Variants in CRTC1 observed in about 807,000 individuals in gnomAD.
CRTC1 encodes CREB regulated transcription coactivator 1.
Under a neutral mutation model 66.1 loss-of-function variants are expected in CRTC1, and 18 were observed. The ratio of observed to expected loss-of-function variants is 0.27; its 90% CI spans 0.19 to 0.40. The LOEUF is 0.40. Among genes scored for constraint, CRTC1 ranks in the 10% least tolerant of loss-of-function variants. The pLI is 1.00. For synonymous variants in CRTC1, 416 were observed against 398.8 expected (o/e 1.04, Z -0.51); for missense variants, 669 against 887.9 (o/e 0.75, Z 3.13).
At chr19:18,691,831 A>G (rs2052847423) in intron 1 of CRTC1, among the ~76,000 whole-genome samples, 1 of 151,952 alleles carries the variant, frequency 6.6e-6, no homozygotes, top group African/African-American at 2.4e-5. Flanking sequence ...CTCCTGCCTC[A>G]GCCTCCCGAG....
At position 18,760,118 on chromosome 19, in the gene CRTC1, C is replaced by T. The variant is rs1452280220; in HGVS notation, c.776C>T (p.Pro259Leu). 3 of 1,613,942 alleles carry T rather than the reference C, an allele frequency of 1.9e-6. No individual in the cohort carries two copies. Among genetic ancestry groups the T allele is most frequent in the Non-Finnish European group, 2.5e-6 (3 of 1,179,896 alleles). Reference protein sequence around the residue: ...LTNIHFPSPLPTPLDPEEPTF... With the variant: ...LTNIHFPSPLLTPLDPEEPTF... ...AACATCCACTTCCCCTCCCCGCTCC[C>T]GACCCCGCTGGACCCCGAGGAGCCC... The change falls in exon 8 of 14, where the codon CCG (proline) becomes CTG (leucine). Residue 259 changes from proline to leucine, a missense_variant. Around this residue, in one of 8 missense-constraint regions of CRTC1, gnomAD observed 214 missense variants for 323.4 expected, o/e 0.66. Coordinates refer to ENST00000321949, the MANE Select transcript of CRTC1 (RefSeq NM_015321.3). The surrounding 1 kb of genome is among the most constrained non-coding windows in gnomAD (Gnocchi z 6.2).
intron 1 of CRTC1, among the ~76,000 whole-genome samples, chr19:18,695,431 G>A (rs191212183): frequency 1.6e-4 from 24 of 152,280 alleles, no homozygotes; most frequent in Non-Finnish European, 2.5e-4. Context: ...AGGTTATTCC[G>A]TGCAGAGTAG....
chr19:18,758,377 AAAG>A (rs2054540355), intron 6 of CRTC1, among the ~76,000 whole-genome samples: 1 of 148,840 alleles, frequency 6.7e-6, no homozygotes, highest in Admixed American at 6.7e-5. Context: ...AAAAAAAAAG[AAAG>A]AAAAAAAAGG....
intron 1 of CRTC1, among the ~76,000 whole-genome samples, chr19:18,732,639 CT>C (rs2053916028): frequency 6.6e-6 from 1 of 152,140 alleles, no homozygotes; most frequent in Non-Finnish European, 1.5e-5. Flanking sequence ...TGAATGGGAA[CT>C]GTTGTGGAAG....
chr19:18,762,830 C>G lies in CRTC1; in HGVS notation c.887-2574C>G, dbSNP rs549219008. 3.3e-5 allele frequency among the ~76,000 whole-genome samples: 5 copies of G among 152,374 alleles called. No homozygotes were observed. The South Asian group carries it at 1.0e-3, about 32-fold the overall frequency. On this transcript the variant is annotated intron_variant, in intron 8 of 13. Coordinates refer to ENST00000321949, the MANE Select transcript of CRTC1 (RefSeq NM_015321.3). ...GGTGGCCGAGAGCTCACTTTGCAGC[C>G]AGTGGAAGATTAAAAACTCCCTTGT...
chr19:18,698,133 C>A (rs1464034550), intron 1 of CRTC1, among the ~76,000 whole-genome samples: 1 of 151,220 alleles, frequency 6.6e-6, no homozygotes, highest in Non-Finnish European at 1.5e-5. Flanking sequence ...GTTCTGCAGG[C>A]GCTCAGCTGG....
At chr19:18,688,537 C>G (rs1165339664) in intron 1 of CRTC1, among the ~76,000 whole-genome samples, 1 of 152,030 alleles carries the variant, frequency 6.6e-6, no homozygotes, top group African/African-American at 2.4e-5. Context: ...CTCCTGGGTT[C>G]AAGCGATTCT....
chr19:18,702,718 G>C (rs1004173900), intron 1 of CRTC1, among the ~76,000 whole-genome samples: 20 of 150,692 alleles, frequency 1.3e-4, no homozygotes, highest in African/African-American at 4.1e-4. Context: ...ATTTTTAGTA[G>C]AGGCAGGGTT....
rs182499107 is a variant in CRTC1 at position 18,763,552 on chromosome 19, G to A, written c.887-1852G>A. On this transcript the variant is annotated intron_variant, in intron 8 of 13. Coordinates refer to ENST00000321949, the MANE Select transcript of CRTC1 (RefSeq NM_015321.3). ...CAGCCATGAAATCGCCGGACAACGC[G>A]TTTTTTCAGAAGTCACCCCCATTGT... 4.6e-5 allele frequency among the ~76,000 whole-genome samples: 7 copies of A among 152,326 alleles called. No homozygotes were observed. In the East Asian group the frequency reaches 1.2e-3, roughly 25 times the overall value.
At chr19:18,751,602 C>T (rs76633577) in intron 5 of CRTC1, among the ~76,000 whole-genome samples, 4,103 of 152,226 alleles carry the variant, frequency 0.027, 191 homozygotes, top group African/African-American at 0.094. Flanking sequence ...CTTTCAGGCC[C>T]GGCTGGTTCC....
chr19:18,700,942 C>T (rs1024621478), intron 1 of CRTC1, among the ~76,000 whole-genome samples: 4 of 152,270 alleles, frequency 2.6e-5, no homozygotes, highest in Non-Finnish European at 5.9e-5. Context: ...CATCCCGCTT[C>T]CATCGCTGCG....
intron 3 of CRTC1, 40 bp downstream of exon 3, chr19:18,746,000 C>G (rs781144649): frequency 1.3e-6 from 2 of 1,572,768 alleles, no homozygotes; most frequent in Non-Finnish European, 8.7e-7. Flanking sequence ...GGGCCAGGCC[C>G]TGTCGGTGCC....
Position 18,728,059 on chromosome 19 carries a change from G to A in CRTC1, c.127-14851G>A, listed in dbSNP as rs941375296. ...ACTTTCAGAGCCTCCAGAGCTGTGC[G>A]GGAAACATCTCTGTTGTGTCAGCCA... On this transcript the variant is annotated intron_variant, in intron 1 of 13. Transcript: ENST00000321949. Among the ~76,000 whole-genome samples, 9 of 152,214 alleles carry A rather than the reference G, an allele frequency of 5.9e-5. No homozygotes were observed. In the South Asian group the frequency reaches 6.2e-4, roughly 11 times the overall value.
chr19:18,749,707 C>T (rs2054320924), intron 4 of CRTC1, 74 bp from the exon 5 acceptor site: 1 of 1,255,936 alleles, frequency 8.0e-7, no homozygotes, highest in East Asian at 2.3e-5. Context: ...TCCAGCGTGT[C>T]CCAGCTGGGA....
At chr19:18,721,068 G>A (rs918765711) in intron 1 of CRTC1, among the ~76,000 whole-genome samples, 3 of 152,112 alleles carry the variant, frequency 2.0e-5, no homozygotes, top group Non-Finnish European at 2.9e-5. Flanking sequence ...GGCTCTAGGC[G>A]CTCTTTGCAT....
chr19:18,710,870 C>G (rs1002135451), intron 1 of CRTC1, among the ~76,000 whole-genome samples: 4 of 152,190 alleles, frequency 2.6e-5, no homozygotes, highest in Non-Finnish European at 5.9e-5. Context: ...ACAGCCTTGG[C>G]CTCCCAAAGT....
intron 1 of CRTC1, among the ~76,000 whole-genome samples, chr19:18,734,975 T>C (rs57962499): frequency 0.24 from 36,123 of 152,144 alleles, 4,689 homozygotes; most frequent in African/African-American, 0.34. Context: ...CAGGGGATGC[T>C]GGGCATGCAT....
rs1350919348 is a variant in CRTC1, at chr19:18,777,859, G to A, written c.*477G>A. On this transcript the variant is annotated 3_prime_UTR_variant, in exon 14 of 14. Coordinates refer to ENST00000321949, the MANE Select transcript of CRTC1 (RefSeq NM_015321.3). The surrounding 1 kb of genome is among the most constrained non-coding windows in gnomAD (Gnocchi z 5.5). Reference sequence around the variant, plus strand: ...CCAGCCCATCCGCCATCCCCAGCCCGTGGTCAGGTAGAGAGTGAGCCCCAC... The same window carrying A: ...CCAGCCCATCCGCCATCCCCAGCCCATGGTCAGGTAGAGAGTGAGCCCCAC... The A allele has an allele frequency of 3.4e-6, 1 of 292,806 alleles. No individual in the cohort carries two copies. Among genetic ancestry groups the A allele is most frequent in the Non-Finnish European group, 6.4e-6 (1 of 156,086 alleles). The allele number at this position is 292,806 out of a possible 1,614,324, so 18.1% of individuals were successfully genotyped here.
chr19:18,729,861 C>T (rs767266274), intron 1 of CRTC1, among the ~76,000 whole-genome samples: 1 of 152,194 alleles, frequency 6.6e-6, no homozygotes, highest in African/African-American at 2.4e-5. Context: ...TCCTTATCCT[C>T]GTTCTTGGCC....
Sources: allele counts gnomAD v4.1 joint callset (sites outside exome capture counted in the v4.1 genomes callset), GRCh38; gene constraint gnomAD v4.1.1; regional missense constraint gnomAD v4.1.1; non-coding constraint Gnocchi (gnomAD v3.1); transcripts MANE v1.5; gene names NCBI Gene and HGNC (gene_info 2026-07-23, HGNC 2026-07-21).